Variants in NBDY observed in about 807,000 individuals in gnomAD.
NBDY encodes P-body dissociating protein.
chrX:56,794,083 C>T (rs1443140570), intron 2 of NBDY, among the ~76,000 whole-genome samples: 2 of 112,392 alleles, frequency 1.8e-5, no homozygotes, highest in Non-Finnish European at 3.8e-5. Flanking sequence ...GTTGACTGGT[C>T]TGCAGGCTGC....
intron 2 of NBDY, among the ~76,000 whole-genome samples, chrX:56,744,459 T>C (rs1384642517): frequency 2.7e-5 from 3 of 111,623 alleles, no homozygotes; most frequent in African/African-American, 6.5e-5. Flanking sequence ...TTTTTGGTGG[T>C]ATTTCTTTTT....
At chrX:56,799,426 C>T (rs2069810425) in intron 2 of NBDY, among the ~76,000 whole-genome samples, 1 of 113,338 alleles carries the variant, frequency 8.8e-6, no homozygotes, top group South Asian at 3.6e-4. Context: ...AAGCTCCGCC[C>T]ACTGGGCTGA....
chrX:56,747,759 A>G (rs995504271), intron 2 of NBDY, among the ~76,000 whole-genome samples: 2 of 111,678 alleles, frequency 1.8e-5, no homozygotes, highest in African/African-American at 6.5e-5. Flanking sequence ...TTGTATGAAA[A>G]TCCCGACAAA....
chrX:56,788,229 T>C (rs1238483328), intron 2 of NBDY, among the ~76,000 whole-genome samples: 3 of 112,550 alleles, frequency 2.7e-5, no homozygotes, highest in Non-Finnish European at 5.6e-5. Flanking sequence ...CCTTATCTTT[T>C]TTATTTTTTT....
intron 2 of NBDY, among the ~76,000 whole-genome samples, chrX:56,749,632 G>T (rs1435482954): frequency 1.0e-5 from 1 of 97,555 alleles, no homozygotes; most frequent in Non-Finnish European, 2.0e-5. Context: ...TTCTAGTGTT[G>T]TCATGTCCCC....
intron 2 of NBDY, among the ~76,000 whole-genome samples, chrX:56,788,337 C>T (rs929675411): frequency 1.8e-5 from 2 of 113,216 alleles, no homozygotes; most frequent in African/African-American, 6.4e-5. Flanking sequence ...ATACTGCCAT[C>T]AAGTGGAAAC....
intron 2 of NBDY, among the ~76,000 whole-genome samples, chrX:56,736,935 A>G (rs1316797557): frequency 8.9e-6 from 1 of 111,940 alleles, no homozygotes; most frequent in Non-Finnish European, 1.9e-5. Flanking sequence ...CCATAAGGCT[A>G]TAACTCATGG....
At chrX:56,738,363 C>T (rs931082348) in intron 2 of NBDY, among the ~76,000 whole-genome samples, 2 of 111,904 alleles carry the variant, frequency 1.8e-5, no homozygotes, top group Non-Finnish European at 3.8e-5. Context: ...TTTTTCTCAC[C>T]GACAGGCAAG....
intron 2 of NBDY, among the ~76,000 whole-genome samples, chrX:56,758,776 G>A (rs1431239559): frequency 9.0e-6 from 1 of 111,718 alleles, no homozygotes; most frequent in Non-Finnish European, 1.9e-5. Flanking sequence ...TGGGGCAGCT[G>A]TGCCTTGATT....
At chrX:56,747,228 A>G (rs73626219) in intron 2 of NBDY, among the ~76,000 whole-genome samples, 1,330 of 112,198 alleles carry the variant, frequency 0.012, 19 homozygotes, top group African/African-American at 0.041. Context: ...ACAAAAATAT[A>G]ACATCTAACT....
At chrX:56,794,531 C>T (rs938704292) in intron 2 of NBDY, among the ~76,000 whole-genome samples, 1 of 111,824 alleles carries the variant, frequency 8.9e-6, no homozygotes, top group Admixed American at 9.4e-5. Flanking sequence ...TCTCTGCCTT[C>T]CCCCTTCCCT....
At chrX:56,737,950 A>G (rs763150877) in intron 2 of NBDY, among the ~76,000 whole-genome samples, 1 of 111,297 alleles carries the variant, frequency 9.0e-6, no homozygotes. Context: ...ACCTCTTAAT[A>G]TGTCAGTGTG....
intron 2 of NBDY, among the ~76,000 whole-genome samples, chrX:56,746,196 A>C (rs887769758): frequency 6.3e-5 from 7 of 111,304 alleles, no homozygotes; most frequent in African/African-American, 2.3e-4. Flanking sequence ...ATAGGGAATA[A>C]AGTTTTTTTT....
At chrX:56,766,241 G>T (rs1263667550) in intron 2 of NBDY, among the ~76,000 whole-genome samples, 1 of 111,431 alleles carries the variant, frequency 9.0e-6, no homozygotes, top group Non-Finnish European at 1.9e-5. Flanking sequence ...CTGAATTTCA[G>T]TGTGTGCAGG....
chrX:56,765,770 T>C (rs1377260425), intron 2 of NBDY, among the ~76,000 whole-genome samples: 1 of 110,763 alleles, frequency 9.0e-6, no homozygotes, highest in Admixed American at 9.6e-5. Context: ...TTTCTTCTTT[T>C]TCCTCCTTCT....
At chrX:56,739,481 C>A (rs975537507) in intron 2 of NBDY, among the ~76,000 whole-genome samples, 12 of 106,844 alleles carry the variant, frequency 1.1e-4, no homozygotes, top group Non-Finnish European at 2.1e-4. Flanking sequence ...TGGACAAAAA[C>A]CAATATATAT....
chrX:56,810,762 A>G (rs1285984330), intron 2 of NBDY, among the ~76,000 whole-genome samples: 1 of 110,520 alleles, frequency 9.0e-6, no homozygotes, highest in African/African-American at 3.3e-5. Flanking sequence ...TAATTTTTCC[A>G]ACTCATTCTC....
At chrX:56,799,217 C>G (rs950110186) in intron 2 of NBDY, among the ~76,000 whole-genome samples, 1 of 112,312 alleles carries the variant, frequency 8.9e-6, no homozygotes, top group South Asian at 3.7e-4. Flanking sequence ...CTGGCAGCCC[C>G]CAGAGACTGC....
At chrX:56,765,602 A>G (rs1327076234) in intron 2 of NBDY, among the ~76,000 whole-genome samples, 4 of 111,166 alleles carry the variant, frequency 3.6e-5, no homozygotes, top group Non-Finnish European at 5.7e-5. Flanking sequence ...CCTTCGGGAC[A>G]GCTACAGTGG....
Sources: allele counts gnomAD v4.1 joint callset (sites outside exome capture counted in the v4.1 genomes callset), GRCh38; gene constraint gnomAD v4.1.1; transcripts MANE v1.5; gene names NCBI Gene and HGNC (gene_info 2026-07-23, HGNC 2026-07-21).